The following DNAH14 variants were observed in gnomAD, a reference collection of about 807,000 sequenced individuals.
DNAH14 encodes the protein dynein axonemal heavy chain 14, also known as axonemal beta dynein heavy chain 14.
In DNAH14, 478 loss-of-function variants were observed where a neutral mutation model predicts 520.9. The ratio of observed to expected loss-of-function variants is 0.92; its 90% CI spans 0.85 to 0.99. DNAH14 has a LOEUF of 0.99. Among genes scored for constraint, DNAH14 ranks in the 50% least tolerant of loss-of-function variants. The pLI, the probability that DNAH14 is intolerant of heterozygous loss-of-function variation, is 0.00. For missense variants in DNAH14, 4,831 were observed against 5,234.5 expected, an observed-to-expected ratio of 0.92 and a Z score of 2.38; for synonymous variants, 1,581 against 1,757.2, an observed-to-expected ratio of 0.90 and a Z score of 2.51.
At chr1:225,116,670 G>A (rs112770283) in intron 23 of DNAH14, among the ~76,000 whole-genome samples, 167 of 152,240 alleles carry the variant, frequency 1.1e-3, no homozygotes, top group Non-Finnish European at 1.4e-3. Flanking sequence ...AAGTGATGAG[G>A]TTGGAACTTA....
At chr1:225,187,248 C>G (rs1026202660) in intron 37 of DNAH14, among the ~76,000 whole-genome samples, 1 of 151,708 alleles carries the variant, frequency 6.6e-6, no homozygotes, top group Non-Finnish European at 1.5e-5. Flanking sequence ...TACTACCTCC[C>G]TCTAATTTCC....
At chr1:225,029,078 G>A (rs2066346734) in intron 11 of DNAH14, among the ~76,000 whole-genome samples, 1 of 151,998 alleles carries the variant, frequency 6.6e-6, no homozygotes, top group Admixed American at 6.6e-5. Flanking sequence ...GCCATGAAAT[G>A]CAGTACTTCT....
chr1:225,038,970 A>T, intron 12 of DNAH14, 147 bp downstream of exon 12: 1 of 662,478 alleles, frequency 1.5e-6, no homozygotes, highest in Non-Finnish European at 2.4e-6. Context: ...AGCTGCTCCC[A>T]CTGTAAAAAG....
chr1:225,063,988 T>C (rs1176494008), intron 17 of DNAH14, among the ~76,000 whole-genome samples: 3 of 151,918 alleles, frequency 2.0e-5, no homozygotes, highest in African/African-American at 7.3e-5. Context: ...GACAATGGAA[T>C]AACATTTTTA....
chr1:225,277,632 C>T, intron 54 of DNAH14, 130 bp downstream of exon 54: 1 of 387,904 alleles, frequency 2.6e-6, no homozygotes, highest in South Asian at 2.0e-5. Context: ...AGTCATAGGG[C>T]AGGACTCTTG....
At position 225,100,843 on chromosome 1, in the gene DNAH14, A is replaced by T. The variant is rs1484041959; in HGVS notation, c.3826A>T (p.Asn1276Tyr). 6.5e-7 allele frequency: 1 copy of T among 1,531,136 alleles called. No individual in the cohort carries two copies. The highest frequency in any genetic ancestry group is 8.8e-7 in the Non-Finnish European group (1 of 1,141,830). 94.8% of individuals were successfully genotyped at this position (1,531,136 alleles called of 1,614,324 possible). Residue 1276 changes from asparagine to tyrosine, a missense_variant, in exon 23 of 86, where the codon AAT becomes TAT. Asn to Tyr is a moderately radical substitution (Grantham distance 143). Coordinates refer to ENST00000682510, the MANE Select transcript of DNAH14 (RefSeq NM_001367479.1). ...TSAGVLEILQ[N>Y]CNIHLEHIKK... ...TGCAGGAGTCCTTGAAATTCTGCAA[A>T]ATTGTAATATACATCTTGAACATAT...
At chr1:225,007,279 A>C (rs2064251722) in intron 9 of DNAH14, 134 bp from the exon 10 acceptor site, 1 of 547,256 alleles carries the variant, frequency 1.8e-6, no homozygotes, top group Non-Finnish European at 2.6e-6. Context: ...AAAAACATGT[A>C]AGTCATATAG....
At chr1:225,238,458 G>C (rs932892190) in intron 42 of DNAH14, among the ~76,000 whole-genome samples, 4 of 152,098 alleles carry the variant, frequency 2.6e-5, no homozygotes, top group Non-Finnish European at 5.9e-5. Context: ...TGAAGGATTT[G>C]AAACAGCAAA....
chr1:225,340,460 A>G lies in DNAH14; in HGVS notation c.10437A>G (p.Leu3479=), dbSNP rs1473726569. Reference sequence around the variant, plus strand: ...CTGGTGCCTTTCTCATGTTCAGGTTATACTTATCTACAGAAATAGACAACC... The same window carrying G: ...CTGGTGCCTTTCTCATGTTCAGGTTGTACTTATCTACAGAAATAGACAACC... ...AEFEYNSNFR[L]YLSTEIDNPH... Residue 3479 remains leucine, a synonymous_variant, in exon 69 of 86, where the codon TTA becomes TTG. Coordinates refer to ENST00000682510, the MANE Select transcript of DNAH14 (RefSeq NM_001367479.1). 7 of 1,549,472 alleles carry G rather than the reference A, an allele frequency of 4.5e-6. No individual in the cohort carries two copies. Among genetic ancestry groups the G allele is most frequent in the Non-Finnish European group, 6.1e-6 (7 of 1,145,418 alleles).
In DNAH14 at chr1:225,145,397, G is replaced by C; in HGVS notation, c.4794+18G>C. 1 of 1,521,504 alleles carries C rather than the reference G, an allele frequency of 6.6e-7. No individual in the cohort carries two copies. The highest frequency in any genetic ancestry group is 8.8e-7 in the Non-Finnish European group (1 of 1,129,978). The allele number at this position is 1,521,504 out of a possible 1,614,324, so 94.3% of individuals were successfully genotyped here. On this transcript the variant is annotated intron_variant, in intron 30 of 85. Coordinates refer to ENST00000682510, the MANE Select transcript of DNAH14 (RefSeq NM_001367479.1). Reference sequence around the variant, plus strand: ...ATTATAAGGTAAACCTTAAACATATGTGTCAGGAAGAAATATTGTACACAT... The same window carrying C: ...ATTATAAGGTAAACCTTAAACATATCTGTCAGGAAGAAATATTGTACACAT...
intron 23 of DNAH14, among the ~76,000 whole-genome samples, chr1:225,107,638 C>A (rs1188783384): frequency 6.6e-6 from 1 of 152,166 alleles, no homozygotes; most frequent in African/African-American, 2.4e-5. Context: ...AAGCACAGGA[C>A]AGGAACCCCA....
intron 66 of DNAH14, among the ~76,000 whole-genome samples, chr1:225,335,949 A>G (rs1355037276): frequency 1.4e-5 from 2 of 144,444 alleles, no homozygotes; most frequent in Admixed American, 7.0e-5. Flanking sequence ...ACATATATGT[A>G]TATATACACA....
intron 68 of DNAH14, 51 bp from the exon 69 acceptor site, chr1:225,340,405 AT>A: frequency 6.8e-7 from 1 of 1,466,586 alleles, no homozygotes; most frequent in African/African-American, 1.4e-5. Context: ...AAATTGGTTC[AT>A]TTTTTTCTTC....
At chr1:225,258,294 G>A (rs1254842358) in intron 45 of DNAH14, among the ~76,000 whole-genome samples, 176 bp downstream of exon 45, 3 of 152,004 alleles carry the variant, frequency 2.0e-5, no homozygotes, top group Non-Finnish European at 4.4e-5. Flanking sequence ...CCACATATTT[G>A]CCAAAATAGG....
chr1:225,116,240 T>C (rs558105368), intron 23 of DNAH14, among the ~76,000 whole-genome samples: 1 of 152,274 alleles, frequency 6.6e-6, no homozygotes, highest in Admixed American at 6.5e-5. Context: ...GCCTTGAATA[T>C]CACAATGAGT....
intron 17 of DNAH14, among the ~76,000 whole-genome samples, chr1:225,059,781 T>G (rs2069753613): frequency 6.6e-6 from 1 of 152,148 alleles, no homozygotes; most frequent in Admixed American, 6.5e-5. Context: ...CTCCTTCACT[T>G]ATGGAGCTTA....
chr1:224,960,210 T>C lies in DNAH14; in HGVS notation c.275T>C (p.Leu92Pro), dbSNP rs1485390578. 2 of 1,610,474 alleles carry C rather than the reference T, an allele frequency of 1.2e-6. No homozygotes were observed. Among genetic ancestry groups the C allele is most frequent in the East Asian group, 2.2e-5 (1 of 44,820 alleles). ...ATGGTTTCTCCAGAGCCAGCTTCCC[T>C]TAAGGAGAAAGGGAAGTCAAGGAGA... ...QHMVSPEPAS[L>P]KEKGKSRRKK... Residue 92 changes from leucine to proline, a missense_variant, in exon 4 of 86, where the codon CTT becomes CCT. Leu to Pro is a moderately conservative substitution (Grantham distance 98, BLOSUM62 -3). Transcript: ENST00000682510.
At chr1:225,204,630 C>T (rs1247002577) in intron 39 of DNAH14, among the ~76,000 whole-genome samples, 1 of 152,172 alleles carries the variant, frequency 6.6e-6, no homozygotes, top group Non-Finnish European at 1.5e-5. Flanking sequence ...ACAATTTGTA[C>T]ATTTCCAGGC....
chr1:225,122,805 T>G (rs964539739), intron 26 of DNAH14, among the ~76,000 whole-genome samples: 1 of 152,164 alleles, frequency 6.6e-6, no homozygotes, highest in African/African-American at 2.4e-5. Flanking sequence ...TAGATACCAT[T>G]TGCAAGCACA....
Sources: gnomAD v4.1 joint callset for allele counts (sites outside exome capture counted in the v4.1 genomes callset) on GRCh38, gnomAD v4.1.1 for gene constraint, MANE v1.5 for transcripts, NCBI Gene and HGNC (gene_info 2026-07-23, HGNC 2026-07-21) for gene names.